The following GPI variants were observed in gnomAD, a reference collection of about 807,000 sequenced individuals.
GPI encodes the protein glucose-6-phosphate isomerase.
A neutral mutation model predicts 75.8 loss-of-function variants in GPI; 56 were observed. The ratio of observed to expected loss-of-function variants is 0.74; its 90% CI spans 0.60 to 0.92. The LOEUF (loss-of-function observed/expected upper bound fraction) is 0.92. GPI is among the 40% of genes least tolerant of loss of function. The probability of loss-of-function intolerance (pLI) is 0.00; values close to 1 mark genes in which losing one functional copy is unlikely to be tolerated. For synonymous variants in GPI, 288 were observed against 285.4 expected, an observed-to-expected ratio of 1.01 and a Z score of -0.09; for missense variants, 638 against 741.0, an observed-to-expected ratio of 0.86 and a Z score of 1.61.
At chr19:34,373,357 C>T (rs2074484019) in intron 4 of GPI, among the ~76,000 whole-genome samples, 1 of 151,226 alleles carries the variant, frequency 6.6e-6, no homozygotes, top group Non-Finnish European at 1.5e-5. Context: ...CCACTGCACT[C>T]CAGCCTGGGT....
chr19:34,368,328 GCC>G (rs1209825145), intron 3 of GPI, among the ~76,000 whole-genome samples: 2 of 152,332 alleles, frequency 1.3e-5, no homozygotes, highest in East Asian at 3.9e-4. Flanking sequence ...TCTCTGGCAG[GCC>G]TTCGGGGCCT....
chr19:34,386,874 A>G (rs2074743150), intron 9 of GPI, among the ~76,000 whole-genome samples: 1 of 151,828 alleles, frequency 6.6e-6, no homozygotes, highest in South Asian at 2.1e-4. Flanking sequence ...AGAACTACGC[A>G]TCTCAGCTGG....
At chr19:34,385,360 C>CAAAAAAA (rs58133757) in intron 9 of GPI, among the ~76,000 whole-genome samples, 101 of 94,824 alleles carry the variant, frequency 1.1e-3, no homozygotes, top group Middle Eastern at 6.2e-3. Context: ...AAACAAAAAA[C>CAAAAAAA]AAAAAAAAAA....
chr19:34,378,081 CA>C (rs2074577539), intron 6 of GPI, among the ~76,000 whole-genome samples, 200 bp downstream of exon 6: 1 of 152,232 alleles, frequency 6.6e-6, no homozygotes, highest in Admixed American at 6.5e-5. Flanking sequence ...AAATCCTGAA[CA>C]CATCAGTTTG....
intron 15 of GPI, 54 bp from the exon 16 acceptor site, chr19:34,399,502 A>G (rs958975562): frequency 6.3e-7 from 1 of 1,590,292 alleles, no homozygotes; most frequent in Non-Finnish European, 8.6e-7. Flanking sequence ...GCTTCCCTTC[A>G]AGGGGTTTAG....
In GPI at chr19:34,393,813, G is replaced by A. The variant is rs866033432; in HGVS notation, c.909+42G>A. On this transcript the variant is annotated intron_variant, in intron 11 of 17. Coordinates refer to ENST00000356487, the MANE Select transcript of GPI (RefSeq NM_000175.5). This position sits in a 1 kb window ranked among gnomAD's most constrained non-coding sequence, Gnocchi z 4.4. ...GTTCTCTGCCAAGTGCTGGCCAGAG[G>A]CGCGTGTGTTGGTCCTGGTCCCCCG... The A allele has an allele frequency of 1.9e-6, 3 of 1,609,854 alleles. No individual in the cohort carries two copies. Among genetic ancestry groups the A allele is most frequent in the Middle Eastern group, 1.6e-4 (1 of 6,082 alleles).
chr19:34,393,098 A>G lies in GPI; in HGVS notation c.805-150A>G, dbSNP rs1449616975. ...CCTGTTGGTCTTCCCATGTGTTGCCAGCACCTGCCTGCTGCCTTGCTTCCT... is the reference window on the plus strand; with the variant it reads ...CCTGTTGGTCTTCCCATGTGTTGCCGGCACCTGCCTGCTGCCTTGCTTCCT... On this transcript the variant is annotated intron_variant, in intron 9 of 17. Transcript: ENST00000356487. This position sits in a 1 kb window ranked among gnomAD's most constrained non-coding sequence, Gnocchi z 4.4. 2.8e-6 allele frequency: 2 copies of G among 706,218 alleles called. No homozygotes were observed. The highest frequency in any genetic ancestry group is 1.7e-5 in the African/African-American group (1 of 57,224). 43.7% of individuals were successfully genotyped at this position (706,218 alleles called of 1,614,324 possible).
At chr19:34,365,104 G>T (rs901029741), upstream of GPI, 28 of 1,407,986 alleles carry the variant, frequency 2.0e-5, no homozygotes, top group Non-Finnish European at 2.5e-5. Context: ...TCGGGGCGCG[G>T]GTCGGGGGCG....
Position 34,377,842 on chromosome 19 carries a change from G to A in GPI, c.594G>A (p.Gln198=). Residue 198 remains glutamine, a synonymous_variant, in exon 6 of 18, where the codon CAG becomes CAA. Transcript: ENST00000356487. ...CTCACATTGCCAAAACCCTGGCCCA[G>A]CTGAACCCCGAGTCCTCCCTGTTCA... ...DGTHIAKTLA[Q]LNPESSLFII... The A allele has an allele frequency of 6.2e-7, 1 of 1,614,144 alleles. No individual in the cohort carries two copies. Among genetic ancestry groups the A allele is most frequent in the Non-Finnish European group, 8.5e-7 (1 of 1,180,012 alleles).
intron 6 of GPI, 118 bp from the exon 7 acceptor site, chr19:34,378,816 G>A (rs2074593411): frequency 5.1e-6 from 4 of 777,842 alleles, no homozygotes; most frequent in Non-Finnish European, 7.0e-6. Flanking sequence ...TCACTGACCT[G>A]CAAATACTGC....
rs756717873 is a variant in GPI, at chr19:34,377,613, G to C, written c.486+27G>C. 17 of 1,596,732 alleles carry C rather than the reference G, an allele frequency of 1.1e-5. 1 individual carries two copies. The African/African-American group carries it at 1.2e-4, about 11-fold the overall frequency. ...TGAGGAGAAAACTGCCTTGGGGTAGGGTGGGAGTCTGGGCACTGTTGGTCC... is the reference window on the plus strand; with the variant it reads ...TGAGGAGAAAACTGCCTTGGGGTAGCGTGGGAGTCTGGGCACTGTTGGTCC... On this transcript the variant is annotated intron_variant, in intron 5 of 17. Transcript: ENST00000356487.
intron 9 of GPI, among the ~76,000 whole-genome samples, chr19:34,384,959 C>T (rs771785657): frequency 4.7e-5 from 7 of 149,574 alleles, no homozygotes; most frequent in Non-Finnish European, 1.0e-4. Context: ...ACCAGAATTG[C>T]TTGAACTGGG....
At chr19:34,363,693 G>A (rs745306690), upstream of GPI, among the ~76,000 whole-genome samples, 5 of 152,130 alleles carry the variant, frequency 3.3e-5, no homozygotes, top group East Asian at 1.9e-4. Flanking sequence ...GGTGGCGTGC[G>A]CCTGTAGTCC....
Position 34,381,450 on chromosome 19 carries a change from GTTT to G in GPI, c.751-7_751-5del. On this transcript the variant is annotated splice_polypyrimidine_tract_variant and intron_variant, in intron 8 of 17. Transcript: ENST00000356487. ...TGCTTCTTTGCATTTCTCTCCCTTT[GTTT>G]TTTTTTTTGTAGACCAAAGTGAAGG... 2 of 1,328,946 alleles carry G rather than the reference GTTT, an allele frequency of 1.5e-6. No individual in the cohort carries two copies. The highest frequency in any genetic ancestry group is 2.1e-6 in the Non-Finnish European group (2 of 947,654). The allele number at this position is 1,328,946 out of a possible 1,614,324, so 82.3% of individuals were successfully genotyped here. A position where few individuals can be genotyped will look rare whatever the true frequency, so the allele number is the denominator to read the frequency against.
intron 16 of GPI, 33 bp downstream of exon 16, chr19:34,399,664 G>A: frequency 6.2e-7 from 1 of 1,613,740 alleles, no homozygotes; most frequent in African/African-American, 1.3e-5. Flanking sequence ...CTGGCTTGGG[G>A]TAGGTTGGAA....
chr19:34,368,232 T>C (rs2074395572), intron 3 of GPI, among the ~76,000 whole-genome samples: 1 of 152,174 alleles, frequency 6.6e-6, no homozygotes, highest in Admixed American at 6.5e-5. Context: ...CTGAAAGCAT[T>C]TATTGCTTGT....
At chr19:34,370,820 G>A (rs1273201529) in intron 4 of GPI, among the ~76,000 whole-genome samples, 1 of 152,060 alleles carries the variant, frequency 6.6e-6, no homozygotes, top group Non-Finnish European at 1.5e-5. Context: ...TGGGAGGCTG[G>A]GGTGGGAGGA....
At chr19:34,376,258 T>C (rs990658818) in intron 4 of GPI, among the ~76,000 whole-genome samples, 1 of 152,130 alleles carries the variant, frequency 6.6e-6, no homozygotes, top group Non-Finnish European at 1.5e-5. Context: ...ACGCTGTCTC[T>C]ACAAAAAATA....
intron 9 of GPI, among the ~76,000 whole-genome samples, chr19:34,386,703 T>A (rs902007831): frequency 1.3e-5 from 2 of 152,146 alleles, no homozygotes; most frequent in Non-Finnish European, 2.9e-5. Context: ...GGCCCCTAAG[T>A]TAGACGTGGG....
Sources: allele counts gnomAD v4.1 joint callset (sites outside exome capture counted in the v4.1 genomes callset), GRCh38; gene constraint gnomAD v4.1.1; non-coding constraint Gnocchi (gnomAD v3.1); transcripts MANE v1.5; gene names NCBI Gene and HGNC (gene_info 2026-07-23, HGNC 2026-07-21).